Variants in CNTNAP2 observed in about 807,000 individuals in gnomAD.
CNTNAP2 encodes the protein contactin-associated protein-like 2.
Under a neutral mutation model 155.2 loss-of-function variants are expected in CNTNAP2, and 98 were observed. The observed-to-expected ratio is 0.63, with a 90% confidence interval of 0.54 to 0.75. The LOEUF is 0.75. CNTNAP2 is among the 30% of genes least tolerant of loss of function. The pLI, the probability that CNTNAP2 is intolerant of heterozygous loss-of-function variation, is 0.00. For synonymous variants in CNTNAP2, 651 were observed against 631.2 expected (o/e 1.03, Z -0.47); for missense variants, 1,727 against 1,688.1 (o/e 1.02, Z -0.40).
At chr7:147,561,215 C>A (rs193300711) in intron 11 of CNTNAP2, among the ~76,000 whole-genome samples, 3 of 152,074 alleles carry the variant, frequency 2.0e-5, no homozygotes, top group African/African-American at 7.2e-5. Flanking sequence ...CACACAACAA[C>A]CCCTAAGGAG....
intron 1 of CNTNAP2, among the ~76,000 whole-genome samples, chr7:146,464,262 C>T (rs60473613): frequency 0.28 from 39,544 of 143,248 alleles, 5,470 homozygotes; most frequent in Admixed American, 0.42. Flanking sequence ...AAAACCCTGT[C>T]AATAGAAGTA....
At chr7:146,426,185 CAAAAAAAAAAA>C (rs57484419) in intron 1 of CNTNAP2, among the ~76,000 whole-genome samples, 1 of 54,644 alleles carries the variant, frequency 1.8e-5, no homozygotes, top group Non-Finnish European at 3.2e-5. Flanking sequence ...GACTTCGCCT[CAAAAAAAAAAA>C]AAAAAAAAAA....
At chr7:148,175,606 G>A (rs760275577) in intron 18 of CNTNAP2, among the ~76,000 whole-genome samples, 9 of 152,178 alleles carry the variant, frequency 5.9e-5, no homozygotes, top group African/African-American at 1.9e-4. Flanking sequence ...GCCTTGTTGG[G>A]GTCAGGTTGC....
chr7:146,849,524 C>T (rs1388726931), intron 3 of CNTNAP2, among the ~76,000 whole-genome samples: 3 of 152,134 alleles, frequency 2.0e-5, no homozygotes, highest in African/African-American at 7.2e-5. Context: ...CTGGACCGGA[C>T]CTCAAATATC....
chr7:147,326,826 A>T (rs919117241), intron 9 of CNTNAP2, among the ~76,000 whole-genome samples: 4 of 152,200 alleles, frequency 2.6e-5, no homozygotes, highest in Admixed American at 2.0e-4. Context: ...CTTGGCTTTT[A>T]TACTTAGCCC....
chr7:146,408,742 T>A (rs567836844), intron 1 of CNTNAP2, among the ~76,000 whole-genome samples: 67 of 152,226 alleles, frequency 4.4e-4, no homozygotes, highest in African/African-American at 1.6e-3. Flanking sequence ...CTGCACGTTG[T>A]GCACATGTAC....
At chr7:147,614,585 C>A (rs1801246568) in intron 12 of CNTNAP2, among the ~76,000 whole-genome samples, 1 of 151,370 alleles carries the variant, frequency 6.6e-6, no homozygotes, top group African/African-American at 2.4e-5. Context: ...TCCCCATCTT[C>A]TCTACAATTC....
At chr7:147,886,438 G>A (rs1304703569) in intron 13 of CNTNAP2, among the ~76,000 whole-genome samples, 1 of 122,662 alleles carries the variant, frequency 8.2e-6, no homozygotes, top group Non-Finnish European at 1.6e-5. Context: ...TCATGCCACT[G>A]CACTGAAGCC....
At chr7:147,489,243 G>T (rs1441763881) in intron 11 of CNTNAP2, among the ~76,000 whole-genome samples, 2 of 152,122 alleles carry the variant, frequency 1.3e-5, no homozygotes, top group African/African-American at 4.8e-5. Flanking sequence ...GGGCTTAGAG[G>T]ACTGTCATTT....
chr7:147,724,858 T>C (rs530743103), intron 13 of CNTNAP2, among the ~76,000 whole-genome samples: 3 of 151,812 alleles, frequency 2.0e-5, no homozygotes, highest in East Asian at 1.9e-4. Context: ...CTGTGAGTTG[T>C]TGAAAAGGTT....
intron 12 of CNTNAP2, among the ~76,000 whole-genome samples, chr7:147,586,592 A>C (rs1800630913): frequency 7.2e-6 from 1 of 138,320 alleles, no homozygotes; most frequent in South Asian, 2.5e-4. Flanking sequence ...AGAGGAAAGG[A>C]GGGAGAAAAG....
rs146780629 is a variant in CNTNAP2, at chr7:146,682,185, G to T, written c.98-92086G>T. On this transcript the variant is annotated intron_variant, in intron 1 of 23. Transcript: ENST00000361727. ...TATCAAAATTTTAATTAATTAGAGT[G>T]ACCTAGTTTCCTCACTGTGGAAGAA... Among the ~76,000 whole-genome samples the T allele has an allele frequency of 4.2e-3, 632 of 152,114 alleles. 1 individual carries two copies. Among genetic ancestry groups the T allele is most frequent in the African/African-American group, 0.015 (605 of 41,476 alleles).
chr7:146,230,778 G>A (rs1158616645), intron 1 of CNTNAP2, among the ~76,000 whole-genome samples: 2 of 152,146 alleles, frequency 1.3e-5, no homozygotes, highest in African/African-American at 4.8e-5. Flanking sequence ...CACTTTGGGA[G>A]GCCGAGGCAG....
At chr7:147,432,732 T>C (rs6943018) in intron 10 of CNTNAP2, among the ~76,000 whole-genome samples, 39,780 of 151,998 alleles carry the variant, frequency 0.26, 5,994 homozygotes, top group African/African-American at 0.41. Context: ...TGTCACCCAG[T>C]GTTCTTTCTG....
At chr7:147,773,060 C>T (rs748025520) in intron 13 of CNTNAP2, among the ~76,000 whole-genome samples, 9 of 152,152 alleles carry the variant, frequency 5.9e-5, no homozygotes, top group Non-Finnish European at 1.0e-4. Context: ...AAAGTTATAT[C>T]TTAATCATAT....
intron 1 of CNTNAP2, among the ~76,000 whole-genome samples, chr7:146,126,493 T>G (rs1797639933): frequency 6.6e-6 from 1 of 152,208 alleles, no homozygotes; most frequent in Non-Finnish European, 1.5e-5. Flanking sequence ...GTTCTATCAT[T>G]TGAGTACTAT....
intron 1 of CNTNAP2, among the ~76,000 whole-genome samples, chr7:146,652,972 T>G (rs1799941952): frequency 6.6e-6 from 1 of 152,166 alleles, no homozygotes; most frequent in African/African-American, 2.4e-5. Context: ...GCCTTTCCTT[T>G]TTAGTCAGCA....
At position 147,241,121 on chromosome 7, in the gene CNTNAP2, G is replaced by A. The variant is rs562364295; in HGVS notation, c.1349-59020G>A. Among the ~76,000 whole-genome samples the A allele has an allele frequency of 2.0e-5, 3 of 152,268 alleles. No homozygotes were observed. The South Asian group carries it at 6.2e-4, about 32-fold the overall frequency. On this transcript the variant is annotated intron_variant, in intron 8 of 23. Transcript: ENST00000361727. ...CTGTTGAAATTTGACTGCATAGTTA[G>A]GATCAGACGTTGCTTCAAGGTACAA...
chr7:146,902,684 C>T (rs1043909936), intron 3 of CNTNAP2, among the ~76,000 whole-genome samples: 24 of 152,186 alleles, frequency 1.6e-4, no homozygotes, highest in African/African-American at 4.8e-4. Flanking sequence ...AGCCAGTGAA[C>T]GTTAACCTAG....
Sources: allele counts gnomAD v4.1 joint callset (sites outside exome capture counted in the v4.1 genomes callset), GRCh38; gene constraint gnomAD v4.1.1; transcripts MANE v1.5; gene names NCBI Gene and HGNC (gene_info 2026-07-23, HGNC 2026-07-21).